The following CAPRIN2 variants were observed in gnomAD, a reference collection of about 807,000 sequenced individuals.
CAPRIN2 encodes the protein caprin-2.
A neutral mutation model predicts 130.4 loss-of-function variants in CAPRIN2; 66 were observed. The ratio of observed to expected loss-of-function variants is 0.51; its 90% CI spans 0.42 to 0.62. CAPRIN2 has a LOEUF of 0.62. CAPRIN2 is among the 20% of genes least tolerant of loss of function. The probability of loss-of-function intolerance (pLI) is 0.00; values close to 1 mark genes in which losing one functional copy is unlikely to be tolerated. For missense variants in CAPRIN2, 1,185 were observed against 1,246.6 expected, an observed-to-expected ratio of 0.95 and a Z score of 0.74; for synonymous variants, 471 against 444.1, an observed-to-expected ratio of 1.06 and a Z score of -0.76.
At chr12:30,744,423 C>T (rs1305664545) in intron 2 of CAPRIN2, among the ~76,000 whole-genome samples, 1 of 152,152 alleles carries the variant, frequency 6.6e-6, no homozygotes, top group African/African-American at 2.4e-5. Flanking sequence ...CCCCCTCCAG[C>T]TTCATCACCC....
intron 12 of CAPRIN2, chr12:30,719,468 G>A (rs185340579): frequency 6.7e-6 from 3 of 445,624 alleles, no homozygotes; most frequent in Admixed American, 3.8e-5. Flanking sequence ...TCTAACAGAT[G>A]AGGGGCTGAA....
At chr12:30,746,101 T>C (rs112223760) in intron 2 of CAPRIN2, among the ~76,000 whole-genome samples, 65 of 151,020 alleles carry the variant, frequency 4.3e-4, no homozygotes, top group African/African-American at 1.5e-3. Context: ...TTAAAGACCA[T>C]GTATAGTGGA....
intron 3 of CAPRIN2, among the ~76,000 whole-genome samples, chr12:30,736,010 G>GT (rs2064585161): frequency 6.6e-6 from 1 of 151,988 alleles, no homozygotes; most frequent in East Asian, 1.9e-4. Context: ...GCATGGTGGT[G>GT]TGTGTCTGTA....
At chr12:30,722,619 G>A (rs554049151) in intron 11 of CAPRIN2, among the ~76,000 whole-genome samples, 116 of 152,292 alleles carry the variant, frequency 7.6e-4, no homozygotes, top group African/African-American at 2.7e-3. Flanking sequence ...TGAAAATTAA[G>A]GCTGAGTGCA....
chr12:30,743,721 AATG>A (rs1457857764), intron 2 of CAPRIN2, among the ~76,000 whole-genome samples: 1 of 152,174 alleles, frequency 6.6e-6, no homozygotes, highest in African/African-American at 2.4e-5. Context: ...AAGCACTCAG[AATG>A]ATGCCTGACC....
intron 2 of CAPRIN2, among the ~76,000 whole-genome samples, chr12:30,750,768 T>C (rs1315711172): frequency 6.6e-6 from 1 of 152,192 alleles, no homozygotes; most frequent in African/African-American, 2.4e-5. Flanking sequence ...TCTCTTCTCC[T>C]TCAGTCCACT....
At position 30,753,707 on chromosome 12, in the gene CAPRIN2, CT is replaced by C. The variant is rs758646169; in HGVS notation, c.56del (p.Lys19ArgfsTer3). 8 of 1,614,004 alleles carry C rather than the reference CT, an allele frequency of 5.0e-6. No individual in the cohort carries two copies. The highest frequency in any genetic ancestry group is 3.3e-5 in the South Asian group (3 of 91,076). On this transcript the variant is annotated frameshift_variant, in exon 1 of 17. Transcript: ENST00000298892. LOFTEE classifies it high-confidence loss of function. ...AAAGTCTAGACCACTCCCTTAAACT[CT>C]TTTCCACAGAAGTGAGCTCGAAACC...
At chr12:30,725,470 C>A (rs908205576) in intron 9 of CAPRIN2, among the ~76,000 whole-genome samples, 5 of 152,194 alleles carry the variant, frequency 3.3e-5, no homozygotes, top group African/African-American at 1.2e-4. Context: ...TAATCTCATA[C>A]CATTCTCAAA....
At chr12:30,735,325 A>C in intron 3 of CAPRIN2, 119 bp from the exon 5 acceptor site, 1 of 787,112 alleles carries the variant, frequency 1.3e-6, no homozygotes, top group Admixed American at 2.1e-5. Context: ...CATGACTGTC[A>C]AACTACCAGT....
At chr12:30,751,406 A>C in intron 1 of CAPRIN2, 1 of 348,432 alleles carries the variant, frequency 2.9e-6, no homozygotes, top group Non-Finnish European at 5.5e-6. Flanking sequence ...AGACTACTTA[A>C]CCCATGGGGA....
At chr12:30,734,790 GC>G (rs2063923183) in intron 4 of CAPRIN2, among the ~76,000 whole-genome samples, 177 bp downstream of exon 5, 1 of 151,588 alleles carries the variant, frequency 6.6e-6, no homozygotes, top group Non-Finnish European at 1.5e-5. Context: ...CTCTGGGCCA[GC>G]CAAGGTTTCC....
chr12:30,739,465 A>C (rs10843828), intron 3 of CAPRIN2, among the ~76,000 whole-genome samples: 43,374 of 152,082 alleles, frequency 0.29, 6,391 homozygotes, highest in Non-Finnish European at 0.33. Flanking sequence ...AGGCTTAGTA[A>C]CTGGGTGACA....
At chr12:30,742,286 G>C (rs144801979) in intron 2 of CAPRIN2, among the ~76,000 whole-genome samples, 68 of 152,110 alleles carry the variant, frequency 4.5e-4, no homozygotes, top group African/African-American at 1.6e-3. Context: ...CTTTATAAAG[G>C]TACAGAACAA....
chr12:30,737,787 C>T (rs1339266436), intron 3 of CAPRIN2, among the ~76,000 whole-genome samples: 2 of 151,858 alleles, frequency 1.3e-5, no homozygotes, highest in Admixed American at 6.6e-5. Flanking sequence ...TTAGTAGAGA[C>T]GGGGTTTCAT....
At chr12:30,715,929 C>T (rs1222191598) in intron 13 of CAPRIN2, 1 of 154,830 alleles carries the variant, frequency 6.5e-6, no homozygotes, top group Non-Finnish European at 1.4e-5. Flanking sequence ...TTTGCTCCGA[C>T]TTCAGTTAAA....
Position 30,710,621 on chromosome 12 carries a change from G to C in CAPRIN2, c.2666-151C>G. ...TATATAGCTAGATTATACTTTTCTA[G>C]ATTTTTCTGGTAATAGGTTTTTACA... On this transcript the variant is annotated intron_variant, in intron 16 of 16. Coordinates refer to ENST00000298892, the Ensembl canonical transcript of CAPRIN2. The surrounding 1 kb of genome is among the most constrained non-coding windows in gnomAD (Gnocchi z 4.8). The C allele has an allele frequency of 8.2e-7, 1 of 1,213,352 alleles. No individual in the cohort carries two copies. The highest frequency in any genetic ancestry group is 1.1e-6 in the Non-Finnish European group (1 of 895,268). The allele number at this position is 1,213,352 out of a possible 1,614,324, so 75.2% of individuals were successfully genotyped here.
chr12:30,742,961 T>C (rs578082624), intron 2 of CAPRIN2, among the ~76,000 whole-genome samples: 2 of 152,300 alleles, frequency 1.3e-5, no homozygotes, highest in Middle Eastern at 3.4e-3. Context: ...CTCAGAGGGA[T>C]GTAAAACTAT....
intron 2 of CAPRIN2, among the ~76,000 whole-genome samples, chr12:30,742,792 T>C (rs555016141): frequency 7.2e-5 from 11 of 152,262 alleles, no homozygotes; most frequent in African/African-American, 2.6e-4. Context: ...GGAAACATAC[T>C]ATTTGAGTTG....
chr12:30,739,658 T>C (rs566560076), intron 3 of CAPRIN2, among the ~76,000 whole-genome samples: 95 of 150,018 alleles, frequency 6.3e-4, no homozygotes, highest in African/African-American at 2.2e-3. Flanking sequence ...GAGCTTGCAG[T>C]GAGCCGAAAT....
Sources: gnomAD v4.1 joint callset for allele counts (sites outside exome capture counted in the v4.1 genomes callset) on GRCh38, gnomAD v4.1.1 for gene constraint, Gnocchi (gnomAD v3.1) non-coding constraint, MANE v1.5 for transcripts, NCBI Gene and HGNC (gene_info 2026-07-23, HGNC 2026-07-21) for gene names.